Variants in EPS15 observed in about 807,000 individuals in gnomAD.
EPS15 encodes the protein epidermal growth factor receptor pathway substrate 15, also known as epidermal growth factor receptor substrate 15.
A neutral mutation model predicts 113.8 loss-of-function variants in EPS15; 72 were observed. That is an observed-to-expected ratio of 0.63 (90% CI 0.52 to 0.77). The LOEUF (loss-of-function observed/expected upper bound fraction) is 0.77, where lower values mean the gene tolerates loss of function less well. Ranked by LOEUF, EPS15 falls within the 30% of genes least tolerant of loss-of-function variation. The pLI is 0.00. For synonymous variants in EPS15, 344 were observed against 363.4 expected (o/e 0.95, Z 0.61); for missense variants, 1,048 against 1,045.8 (o/e 1.00, Z -0.03).
At chr1:51,414,330 T>A (rs1453050191) in intron 13 of EPS15, among the ~76,000 whole-genome samples, 1 of 151,956 alleles carries the variant, frequency 6.6e-6, no homozygotes, top group Non-Finnish European at 1.5e-5. Flanking sequence ...GGAGGATCAC[T>A]TGAACCCAGG....
At chr1:51,363,805 A>C (rs1234964324) in intron 23 of EPS15, 61 bp downstream of exon 23, 6 of 1,503,344 alleles carry the variant, frequency 4.0e-6, no homozygotes, top group East Asian at 2.3e-5. Flanking sequence ...AGTTCCGCAC[A>C]ATACTTTTCA....
chr1:51,465,297 A>T lies in EPS15; in HGVS notation c.339T>A (p.Ser113Arg). ...FHDTSSPLLISGTSAAELPWA... is the reference protein window; with the variant it reads ...FHDTSSPLLIRGTSAAELPWA... Reference sequence around the variant, plus strand: ...ATGGGAGCTCAGCTGCAGAGGTTCCACTGATTAGCAAAGGACTACTGGTAT... The same window carrying T: ...ATGGGAGCTCAGCTGCAGAGGTTCCTCTGATTAGCAAAGGACTACTGGTAT... The change falls in exon 6 of 25, where the codon AGT (serine) becomes AGA (arginine). Residue 113 changes from serine (S) to arginine (R), a missense_variant. By Grantham distance (110) the Ser-to-Arg change is moderately radical (BLOSUM62 -1). Coordinates refer to ENST00000371733, the MANE Select transcript of EPS15 (RefSeq NM_001981.3). The T allele has an allele frequency of 6.2e-7, 1 of 1,611,514 alleles. No individual in the cohort carries two copies. Among genetic ancestry groups the T allele is most frequent in the Non-Finnish European group, 8.5e-7 (1 of 1,178,302 alleles).
intron 7 of EPS15, among the ~76,000 whole-genome samples, chr1:51,462,303 T>C (rs1020736372): frequency 1.3e-5 from 2 of 149,928 alleles, no homozygotes; most frequent in East Asian, 3.9e-4. Context: ...GCAGAGGTTG[T>C]GGTGAGCCAA....
Position 51,405,991 on chromosome 1 carries a change from T to C in EPS15, c.1591A>G (p.Thr531Ala). ...AGGTTGGCTGTTTCACTGCTGCTGGTGCTGAGGCTGCAATAATCTGTAGCT... is the reference window on the plus strand; with the variant it reads ...AGGTTGGCTGTTTCACTGCTGCTGGCGCTGAGGCTGCAATAATCTGTAGCT... ...NGATDYCSLS[T>A]SSSETANLNE... The change falls in exon 16 of 25, where the codon ACC becomes GCC. Residue 531 changes from threonine to alanine, a missense_variant. Coordinates refer to ENST00000371733, the MANE Select transcript of EPS15 (RefSeq NM_001981.3). 5.6e-6 allele frequency: 9 copies of C among 1,614,200 alleles called. No homozygotes were observed. The highest frequency in any genetic ancestry group is 7.6e-6 in the Non-Finnish European group (9 of 1,180,034).
At chr1:51,464,850 G>A (rs921194981) in intron 6 of EPS15, among the ~76,000 whole-genome samples, 3 of 152,148 alleles carry the variant, frequency 2.0e-5, no homozygotes, top group East Asian at 1.9e-4. Context: ...TTTATAGTAC[G>A]ATATGATGTG....
At chr1:51,502,342 T>A (rs6700068) in intron 1 of EPS15, among the ~76,000 whole-genome samples, 4,549 of 152,240 alleles carry the variant, frequency 0.03, 77 homozygotes, top group African/African-American at 0.049. Context: ...TAAATACTTT[T>A]AAAAAAACCC....
chr1:51,488,940 G>C (rs574821278), intron 1 of EPS15, among the ~76,000 whole-genome samples: 1 of 152,112 alleles, frequency 6.6e-6, no homozygotes, highest in African/African-American at 2.4e-5. Context: ...CTAGAATACA[G>C]ATATAGTGAC....
intron 24 of EPS15, among the ~76,000 whole-genome samples, chr1:51,359,487 C>T (rs903751798): frequency 8.0e-5 from 12 of 150,308 alleles, no homozygotes; most frequent in South Asian, 4.2e-4. Context: ...AGGCTGGGCG[C>T]GATGGCTCAC....
chr1:51,513,006 T>A (rs72674571), intron 1 of EPS15, among the ~76,000 whole-genome samples: 4,308 of 150,132 alleles, frequency 0.029, 79 homozygotes, highest in African/African-American at 0.036. Context: ...TTAAAAAAAA[T>A]TTTTTTTTTG....
At chr1:51,417,223 A>G (rs980662726) in intron 13 of EPS15, among the ~76,000 whole-genome samples, 5 of 152,210 alleles carry the variant, frequency 3.3e-5, no homozygotes, top group African/African-American at 1.2e-4. Flanking sequence ...AACATGGACA[A>G]GTACTCTGAA....
At chr1:51,408,919 C>T (rs1649416317) in intron 14 of EPS15, among the ~76,000 whole-genome samples, 2 of 152,018 alleles carry the variant, frequency 1.3e-5, no homozygotes, top group South Asian at 4.1e-4. Context: ...CCTGGCTCAG[C>T]CTGCCGAGTA....
At chr1:51,516,207 C>T (rs1387854440) in intron 1 of EPS15, among the ~76,000 whole-genome samples, 2 of 152,158 alleles carry the variant, frequency 1.3e-5, no homozygotes, top group Admixed American at 6.5e-5. Context: ...TCATAGAACA[C>T]TGTCTATAAA....
intron 18 of EPS15, among the ~76,000 whole-genome samples, chr1:51,401,780 A>G (rs1249280725): frequency 1.3e-5 from 2 of 152,236 alleles, no homozygotes; most frequent in African/African-American, 4.8e-5. Flanking sequence ...AGGCAGGCGG[A>G]TCACCTTACA....
In EPS15 at chr1:51,405,252, C is replaced by A. The variant is rs146517405; in HGVS notation, c.1677+653G>T. Among the ~76,000 whole-genome samples the A allele has an allele frequency of 8.5e-3, 1,293 of 152,256 alleles. 7 individuals are homozygous for A. The highest frequency in any genetic ancestry group is 0.013 in the Non-Finnish European group (855 of 68,028). On this transcript the variant is annotated intron_variant, in intron 16 of 24. Coordinates refer to ENST00000371733, the MANE Select transcript of EPS15 (RefSeq NM_001981.3). ...GTAGCTCTTATATTATGTAATACAG[C>A]ACTCTTGCACATAGTTGGTACTCGT...
At chr1:51,422,142 C>T in intron 12 of EPS15, 1 of 751,778 alleles carries the variant, frequency 1.3e-6, no homozygotes, top group Non-Finnish European at 1.8e-6. Context: ...TCAGGTTTCA[C>T]TGATGTCACT....
At chr1:51,508,681 T>C (rs1027940514) in intron 1 of EPS15, among the ~76,000 whole-genome samples, 1 of 152,234 alleles carries the variant, frequency 6.6e-6, no homozygotes, top group African/African-American at 2.4e-5. Flanking sequence ...ATAAAATATT[T>C]TACCTACTGT....
In EPS15 at chr1:51,464,515, C is replaced by G. The variant is rs530695949; in HGVS notation, c.376-717G>C. Among the ~76,000 whole-genome samples, 4 of 152,244 alleles carry G rather than the reference C, an allele frequency of 2.6e-5. No individual in the cohort carries two copies. The South Asian group carries it at 8.3e-4, about 32-fold the overall frequency. Reference sequence around the variant, plus strand: ...TCACCCTCCCAAAGTGCTGGGATTACAGGCATGAGCCACAAATAAATTTTT... The same window carrying G: ...TCACCCTCCCAAAGTGCTGGGATTAGAGGCATGAGCCACAAATAAATTTTT... On this transcript the variant is annotated intron_variant, in intron 6 of 24. Transcript: ENST00000371733.
At chr1:51,363,833 C>T (rs2148348107) in intron 23 of EPS15, 33 bp downstream of exon 23, 2 of 1,580,060 alleles carry the variant, frequency 1.3e-6, no homozygotes, top group Non-Finnish European at 1.7e-6. Flanking sequence ...AAAAGCCATG[C>T]AGTTGACTGA....
At chr1:51,503,319 T>C (rs1391625168) in intron 1 of EPS15, among the ~76,000 whole-genome samples, 2 of 152,082 alleles carry the variant, frequency 1.3e-5, no homozygotes, top group African/African-American at 2.4e-5. Flanking sequence ...GAATCCGGAA[T>C]AGCCGAAACA....
Sources: allele counts gnomAD v4.1 joint callset (sites outside exome capture counted in the v4.1 genomes callset), GRCh38; gene constraint gnomAD v4.1.1; transcripts MANE v1.5; gene names NCBI Gene and HGNC (gene_info 2026-07-23, HGNC 2026-07-21).